Variants in ZMYM2 observed in about 807,000 individuals in gnomAD.
ZMYM2 encodes zinc finger MYM-type containing 2.
Under a neutral mutation model 162.8 loss-of-function variants are expected in ZMYM2, and 56 were observed. The observed-to-expected ratio is 0.34, with a 90% CI of 0.28 to 0.43. The LOEUF is 0.43. Ranked by LOEUF, ZMYM2 falls within the 20% of genes least tolerant of loss-of-function variation. The probability of loss-of-function intolerance (pLI) is 1.00; values close to 1 mark genes in which losing one functional copy is unlikely to be tolerated. For missense variants in ZMYM2, 1,275 were observed against 1,621.8 expected (o/e 0.79, Z 3.67); for synonymous variants, 510 against 541.6 (o/e 0.94, Z 0.81).
intron 5 of ZMYM2, 151 bp from the exon 6 acceptor site, chr13:20,006,223 C>T (rs1950731875): frequency 2.8e-6 from 2 of 705,640 alleles, no homozygotes; most frequent in Non-Finnish European, 4.3e-6. Context: ...ATGAGTGAGA[C>T]CCTGTCTTTA....
the ZMYM2 span, among the ~76,000 whole-genome samples, chr13:19,935,400 G>T: frequency 6.7e-6 from 1 of 150,284 alleles, no homozygotes; most frequent in African/African-American, 2.5e-5. Flanking sequence ...GCCTCCCAAA[G>T]TGTTGGGATT....
intron 2 of ZMYM2, among the ~76,000 whole-genome samples, chr13:19,964,651 C>T (rs909701539): frequency 1.3e-5 from 2 of 151,848 alleles, no homozygotes; most frequent in African/African-American, 2.4e-5. Context: ...TTAATTTAGA[C>T]CGTTCTCTTT....
the ZMYM2 span, among the ~76,000 whole-genome samples, chr13:19,943,983 C>T: frequency 6.6e-6 from 1 of 152,014 alleles, no homozygotes; most frequent in Non-Finnish European, 1.5e-5. Flanking sequence ...GATGGGGCTG[C>T]ATTGGTGGGA....
chr13:20,088,378 T>C lies in ZMYM2; in HGVS notation c.*2364T>C, dbSNP rs1238326898. ...AATTTCCTTTTGCTTCTAGGTGATC[T>C]CTGATTATAGATAGCATCCTGTAAA... On this transcript the variant is annotated 3_prime_UTR_variant, in exon 25 of 25. Coordinates refer to ENST00000610343, the MANE Select transcript of ZMYM2 (RefSeq NM_197968.4). The C allele has an allele frequency of 4.9e-6, 1 of 203,576 alleles. No individual in the cohort carries two copies. Among genetic ancestry groups the C allele is most frequent in the Non-Finnish European group, 1.0e-5 (1 of 99,152 alleles). The allele number at this position is 203,576 out of a possible 1,614,324, so 12.6% of individuals were successfully genotyped here. A position where few individuals can be genotyped will look rare whatever the true frequency, so the allele number is the denominator to read the frequency against.
rs1955807823 is a variant in ZMYM2 at position 20,056,519 on chromosome 13, G to C, written c.2494-2056G>C. On this transcript the variant is annotated intron_variant, in intron 14 of 24. Coordinates refer to ENST00000610343, the MANE Select transcript of ZMYM2 (RefSeq NM_197968.4). ...ATGAGGGAGCTTTGTAACAAGGCTTGTGAGGCTCTCAATGCCGACAAGGAA... is the reference window on the plus strand; with the variant it reads ...ATGAGGGAGCTTTGTAACAAGGCTTCTGAGGCTCTCAATGCCGACAAGGAA... Among the ~76,000 whole-genome samples, 3 of 152,122 alleles carry C rather than the reference G, an allele frequency of 2.0e-5. No homozygotes were observed. The South Asian group carries it at 6.2e-4, about 32-fold the overall frequency.
At chr13:19,897,448 C>T in the ZMYM2 span, among the ~76,000 whole-genome samples, 2 of 152,056 alleles carry the variant, frequency 1.3e-5, no homozygotes, top group Admixed American at 6.6e-5. Context: ...AAGCATGTCC[C>T]TCGTGCCTGC....
intron 21 of ZMYM2, among the ~76,000 whole-genome samples, chr13:20,077,422 A>G (rs563253142): frequency 6.0e-5 from 9 of 150,490 alleles, no homozygotes; most frequent in Non-Finnish European, 1.0e-4. Context: ...AGCCATTACA[A>G]TATGTTCCAC....
At chr13:19,881,028 A>G in the ZMYM2 span, among the ~76,000 whole-genome samples, 10 of 151,620 alleles carry the variant, frequency 6.6e-5, no homozygotes, top group African/African-American at 2.4e-4. Flanking sequence ...AGCTGGGATT[A>G]CAGGCACGTG....
chr13:19,936,187 T>G, the ZMYM2 span, among the ~76,000 whole-genome samples: 2 of 152,190 alleles, frequency 1.3e-5, no homozygotes, highest in African/African-American at 4.8e-5. Context: ...AGAGTAGACT[T>G]TGTCATGAAG....
At chr13:19,998,743 G>A (rs999558016) in intron 3 of ZMYM2, among the ~76,000 whole-genome samples, 11 of 152,082 alleles carry the variant, frequency 7.2e-5, no homozygotes, top group African/African-American at 1.2e-4. Context: ...ATAGCCCCTC[G>A]AAACCATTAG....
chr13:19,993,649 G>A lies in ZMYM2; in HGVS notation c.577G>A (p.Gly193Ser). The change falls in exon 3 of 25, where the codon GGT (glycine) becomes AGT (serine). Residue 193 changes from glycine (G) to serine (S), a missense_variant. This residue lies in a region of ZMYM2 where 295 missense variants were observed against 286.7 expected (regional missense o/e 1.03). Transcript: ENST00000610343. ...QIANVTTLETGVSSVNDGQLE... is the reference protein window; with the variant it reads ...QIANVTTLETSVSSVNDGQLE... ...TGCTAATGTTACAACTTTAGAAACA[G>A]GTGTAAGCTCTGTGAATGATGGCCA... is the stretch of plus-strand genomic sequence containing the variant. 6.2e-7 allele frequency: 1 copy of A among 1,614,084 alleles called. No individual in the cohort carries two copies. The highest frequency in any genetic ancestry group is 8.5e-7 in the Non-Finnish European group (1 of 1,179,938).
chr13:20,005,134 G>A lies in ZMYM2; in HGVS notation c.1194G>A (p.Gln398=). Residue 398 remains glutamine, a synonymous_variant, in exon 5 of 25, where the codon CAG becomes CAA. Coordinates refer to ENST00000610343, the MANE Select transcript of ZMYM2 (RefSeq NM_197968.4). ...VAQVDSSESF[Q]EFCSTSCLSL... ...AAGTGGATTCAAGTGAGTCCTTCCA[G>A]GAATTCTGTAGTACATCTTGTTTAT... The A allele has an allele frequency of 1.2e-6, 2 of 1,605,744 alleles. No individual in the cohort carries two copies. Among genetic ancestry groups the A allele is most frequent in the Non-Finnish European group, 1.7e-6 (2 of 1,177,256 alleles).
chr13:20,082,795 C>G lies in ZMYM2; in HGVS notation c.3583C>G (p.Arg1195Gly). ...CTCTATTTAAGGGTCAATATTCTCT[C>G]GAGTTGAAGAAGACTATCTCTGGAG... Reference protein sequence around the residue: ...SILPDGSIFSRVEEDYLWRIK... With the variant: ...SILPDGSIFSGVEEDYLWRIK... The change falls in exon 23 of 25, where the codon CGA becomes GGA. Residue 1195 changes from arginine to glycine, a missense_variant. This residue lies in a region of ZMYM2 where 103 missense variants were observed against 192.2 expected (regional missense o/e 0.54). Transcript: ENST00000610343. The G allele has an allele frequency of 6.2e-7, 1 of 1,605,144 alleles. No individual in the cohort carries two copies. The highest frequency in any genetic ancestry group is 8.5e-7 in the Non-Finnish European group (1 of 1,174,462).
At chr13:20,085,342 A>G (rs1447495020) in intron 24 of ZMYM2, among the ~76,000 whole-genome samples, 5 of 152,166 alleles carry the variant, frequency 3.3e-5, no homozygotes, top group Non-Finnish European at 7.3e-5. Flanking sequence ...GGTAGTAACT[A>G]TTTGTTAGTA....
At chr13:20,019,895 C>T (rs1460609027) in intron 7 of ZMYM2, 1 of 246,744 alleles carries the variant, frequency 4.1e-6, no homozygotes, top group Admixed American at 5.2e-5. Context: ...ACCTTGTACA[C>T]AGTAGGCATT....
chr13:20,076,141 C>T (rs1042743223), intron 21 of ZMYM2, among the ~76,000 whole-genome samples: 8 of 150,546 alleles, frequency 5.3e-5, no homozygotes, highest in Non-Finnish European at 1.0e-4. Context: ...TTCTCTTCAT[C>T]TACTTCCCAG....
chr13:19,981,689 A>G (rs1021942451), intron 2 of ZMYM2, among the ~76,000 whole-genome samples: 1 of 152,150 alleles, frequency 6.6e-6, no homozygotes, highest in African/African-American at 2.4e-5. Context: ...TTTTGTGGAT[A>G]TCTTTTCTTT....
intron 14 of ZMYM2, among the ~76,000 whole-genome samples, chr13:20,052,700 A>AT (rs561662110): frequency 3.7e-4 from 57 of 152,340 alleles, no homozygotes; most frequent in African/African-American, 1.3e-3. Flanking sequence ...AAAGATACGA[A>AT]TAAGCTGACT....
At chr13:20,061,369 T>TCTGC in intron 17 of ZMYM2, 145 bp downstream of exon 17, 1 of 692,176 alleles carries the variant, frequency 1.4e-6, no homozygotes, top group East Asian at 3.5e-5. Flanking sequence ...TTTTTTATAT[T>TCTGC]AAGAGATCTA....
Sources: allele counts gnomAD v4.1 joint callset (sites outside exome capture counted in the v4.1 genomes callset), GRCh38; gene constraint gnomAD v4.1.1; regional missense constraint gnomAD v4.1.1; transcripts MANE v1.5; gene names NCBI Gene and HGNC (gene_info 2026-07-23, HGNC 2026-07-21).